EPHA6: variants seen among roughly 807,000 people sequenced by gnomAD.
EPHA6 encodes the protein ephrin type-A receptor 6.
In EPHA6, 50 loss-of-function variants were observed where a neutral mutation model predicts 112.0. The ratio of observed to expected loss-of-function variants is 0.45; its 90% confidence interval spans 0.36 to 0.56. The LOEUF is 0.56. Ranked by LOEUF, EPHA6 falls within the 20% of genes least tolerant of loss-of-function variation. EPHA6 has a pLI of 0.00. For missense variants in EPHA6, 1,280 were observed against 1,417.4 expected, an observed-to-expected ratio of 0.90 and a Z score of 1.56; for synonymous variants, 529 against 490.7, an observed-to-expected ratio of 1.08 and a Z score of -1.03.
chr3:97,007,763 G>C (rs1253806054), intron 3 of EPHA6, among the ~76,000 whole-genome samples: 1 of 152,208 alleles, frequency 6.6e-6, no homozygotes, highest in African/African-American at 2.4e-5. Context: ...TCCATATTTA[G>C]TGCTTCTTTC....
At chr3:96,823,444 G>A (rs113204939) in intron 1 of EPHA6, among the ~76,000 whole-genome samples, 1,582 of 151,794 alleles carry the variant, frequency 0.01, 27 homozygotes, top group African/African-American at 0.036. Context: ...ATTTATTCCA[G>A]TATATAAGTG....
chr3:97,241,509 G>A (rs1204619889), intron 4 of EPHA6, among the ~76,000 whole-genome samples: 5 of 151,628 alleles, frequency 3.3e-5, no homozygotes, highest in African/African-American at 9.7e-5. Context: ...TGATAACAAA[G>A]CAATCAGGCC....
intron 10 of EPHA6, among the ~76,000 whole-genome samples, chr3:97,484,989 A>AT (rs1217879864): frequency 6.6e-6 from 1 of 152,252 alleles, no homozygotes; most frequent in Non-Finnish European, 1.5e-5. Flanking sequence ...TGGAAACGGA[A>AT]TTGCCGACAG....
At chr3:97,693,759 G>C (rs1447211776) in intron 14 of EPHA6, among the ~76,000 whole-genome samples, 2 of 152,158 alleles carry the variant, frequency 1.3e-5, no homozygotes, top group Non-Finnish European at 2.9e-5. Context: ...AGTGAGCCGA[G>C]ATCGCGCCAC....
intron 5 of EPHA6, among the ~76,000 whole-genome samples, chr3:97,368,211 T>G (rs2084848637): frequency 6.6e-6 from 1 of 152,176 alleles, no homozygotes; most frequent in South Asian, 2.1e-4. Flanking sequence ...GAAAACCTTT[T>G]AATTTCTATG....
At chr3:97,610,741 AC>A (rs2093712577) in intron 12 of EPHA6, 51 bp from the exon 13 acceptor site, 1 of 1,415,422 alleles carries the variant, frequency 7.1e-7, no homozygotes. Flanking sequence ...TAACTGCAGC[AC>A]ATATTTCTGT....
chr3:96,967,304 T>C (rs2107771452), intron 2 of EPHA6, among the ~76,000 whole-genome samples: 1 of 150,402 alleles, frequency 6.6e-6, no homozygotes, highest in South Asian at 2.1e-4. Context: ...TAATATATGA[T>C]ATATTACTGT....
chr3:97,121,421 A>C (rs1248016858), intron 3 of EPHA6, among the ~76,000 whole-genome samples: 2 of 152,082 alleles, frequency 1.3e-5, no homozygotes, highest in Non-Finnish European at 2.9e-5. Context: ...TTTTATTTTC[A>C]AAAGCCTCTT....
chr3:97,580,211 C>T (rs1227052863), intron 11 of EPHA6, among the ~76,000 whole-genome samples: 1 of 152,178 alleles, frequency 6.6e-6, no homozygotes. Flanking sequence ...GTTTTCCTCT[C>T]CACATATATC....
rs544170644 is a variant in EPHA6, at chr3:97,663,752, G to T, written c.2784+25670G>T. On this transcript the variant is annotated intron_variant, in intron 14 of 17. Transcript: ENST00000389672. ...TCTATCATTGCTGGACATTTGGGTT[G>T]GTTCCAAGTCTTTGCTATTGTGAAT... is the stretch of plus-strand genomic sequence containing the variant. Among the ~76,000 whole-genome samples the T allele has an allele frequency of 6.2e-4, 94 of 152,198 alleles. 1 individual carries two copies. The highest frequency in any genetic ancestry group is 6.8e-3 in the Middle Eastern group (2 of 294).
At chr3:97,642,859 AC>A in intron 14 of EPHA6, among the ~76,000 whole-genome samples, 1 of 133,676 alleles carries the variant, frequency 7.5e-6, no homozygotes, top group East Asian at 2.3e-4. Context: ...AAGTTGGAAA[AC>A]ACTCTGCAGG....
At chr3:97,042,010 C>G (rs904562944) in intron 3 of EPHA6, among the ~76,000 whole-genome samples, 1 of 152,066 alleles carries the variant, frequency 6.6e-6, no homozygotes, top group Admixed American at 6.6e-5. Context: ...CCTTAATGGC[C>G]TTGGTCCTAG....
intron 3 of EPHA6, among the ~76,000 whole-genome samples, chr3:97,068,751 ACT>A (rs1044586246): frequency 2.0e-5 from 3 of 151,996 alleles, no homozygotes; most frequent in South Asian, 4.1e-4. Context: ...CGGGTAGAAC[ACT>A]CATGACAGAA....
intron 5 of EPHA6, among the ~76,000 whole-genome samples, chr3:97,360,763 A>T (rs766535537): frequency 2.0e-5 from 3 of 152,234 alleles, no homozygotes; most frequent in African/African-American, 7.2e-5. Context: ...AAATCAAAGG[A>T]ATCAACTATA....
intron 5 of EPHA6, among the ~76,000 whole-genome samples, chr3:97,253,200 T>C (rs2079193894): frequency 6.6e-6 from 1 of 152,206 alleles, no homozygotes. Context: ...TTAAAATATA[T>C]ATGAAGTAAT....
intron 3 of EPHA6, among the ~76,000 whole-genome samples, chr3:97,101,079 C>T (rs4857054): frequency 0.21 from 32,016 of 151,846 alleles, 4,784 homozygotes; most frequent in African/African-American, 0.4. Flanking sequence ...TGTCTCTGAT[C>T]TGTCATTTTT....
intron 14 of EPHA6, among the ~76,000 whole-genome samples, chr3:97,678,238 A>G (rs1401078754): frequency 6.6e-6 from 1 of 152,204 alleles, no homozygotes; most frequent in Non-Finnish European, 1.5e-5. Context: ...TATGGCATAT[A>G]GGACTAAAGA....
At chr3:97,365,934 G>A (rs2084700634) in intron 5 of EPHA6, among the ~76,000 whole-genome samples, 1 of 152,102 alleles carries the variant, frequency 6.6e-6, no homozygotes, top group African/African-American at 2.4e-5. Context: ...TACCCTTTGG[G>A]AGGAGTAAGA....
chr3:97,475,350 A>C lies in EPHA6; in HGVS notation c.1895-2A>C. 6.2e-7 allele frequency: 1 copy of C among 1,606,506 alleles called. No individual in the cohort carries two copies. Among genetic ancestry groups the C allele is most frequent in the African/African-American group, 1.3e-5 (1 of 74,714 alleles). ...AATTTTAATATTGTATCTCTGTTTC[A>C]GCTTCTGACATGGCAGCAGAACAAG... On this transcript the variant is annotated splice_acceptor_variant, in intron 7 of 17. Coordinates refer to ENST00000389672, the MANE Select transcript of EPHA6 (RefSeq NM_001080448.3). LOFTEE classifies it high-confidence loss of function.
Sources: gnomAD v4.1 joint callset for allele counts (sites outside exome capture counted in the v4.1 genomes callset) on GRCh38, gnomAD v4.1.1 for gene constraint, MANE v1.5 for transcripts, NCBI Gene and HGNC (gene_info 2026-07-23, HGNC 2026-07-21) for gene names.